The following TRIM24 variants were observed in gnomAD, a reference collection of about 807,000 sequenced individuals.
TRIM24 encodes tripartite motif containing 24, also known as transcription intermediary factor 1-alpha.
In TRIM24, 29 loss-of-function variants were observed where a neutral mutation model predicts 123.9. That is an observed-to-expected ratio of 0.23 (90% CI 0.17 to 0.32). TRIM24 has a LOEUF of 0.32. Ranked by LOEUF, TRIM24 falls within the 10% of genes least tolerant of loss-of-function variation. The pLI is 1.00. For missense variants in TRIM24, 932 were observed against 1,295.3 expected, an observed-to-expected ratio of 0.72 and a Z score of 4.31; for synonymous variants, 456 against 461.1, an observed-to-expected ratio of 0.99 and a Z score of 0.14.
In TRIM24 at chr7:138,515,193, G is replaced by A. The variant is rs1299858304; in HGVS notation, c.484-19G>A. 3.1e-6 allele frequency: 5 copies of A among 1,593,824 alleles called. No homozygotes were observed. The highest frequency in any genetic ancestry group is 3.4e-6 in the Non-Finnish European group (4 of 1,166,092). ...TTTTCATTTTCTCAAAAATTTACGT[G>A]CCATGGTTCTTTTGTCAGGTATGTA... On this transcript the variant is annotated intron_variant, in intron 2 of 18. Transcript: ENST00000343526.
At chr7:138,580,019 GT>G (rs1422976846) in intron 15 of TRIM24, among the ~76,000 whole-genome samples, 1 of 152,108 alleles carries the variant, frequency 6.6e-6, no homozygotes, top group Non-Finnish European at 1.5e-5. Context: ...AGCTACCACA[GT>G]TTATTATGTC....
chr7:138,536,178 G>A lies in TRIM24; in HGVS notation c.997-2479G>A, dbSNP rs138062697. Among the ~76,000 whole-genome samples, 427 of 152,140 alleles carry A rather than the reference G, an allele frequency of 2.8e-3. 1 individual carries two copies. Among genetic ancestry groups the A allele is most frequent in the Non-Finnish European group, 3.7e-3 (251 of 68,000 alleles). On this transcript the variant is annotated intron_variant, in intron 6 of 18. Coordinates refer to ENST00000343526, the MANE Select transcript of TRIM24 (RefSeq NM_015905.3). Reference sequence around the variant, plus strand: ...GGGTTCAAACTTCCTCCTTTAGCTCGGAGGAGTTTCATCGTCTAAAGCCTT... The same window carrying A: ...GGGTTCAAACTTCCTCCTTTAGCTCAGAGGAGTTTCATCGTCTAAAGCCTT...
intron 9 of TRIM24, among the ~76,000 whole-genome samples, chr7:138,564,066 G>A (rs1453970388): frequency 1.3e-5 from 2 of 152,228 alleles, no homozygotes; most frequent in African/African-American, 4.8e-5. Flanking sequence ...GTAGGATTGT[G>A]TGTCTGGAAG....
intron 1 of TRIM24, among the ~76,000 whole-genome samples, chr7:138,469,065 C>G (rs142873552): frequency 1.2e-4 from 19 of 152,330 alleles, no homozygotes; most frequent in African/African-American, 4.6e-4. Context: ...CCTAAGGTAT[C>G]TGTCCTGGTA....
In TRIM24 at chr7:138,549,818, G is replaced by A. The variant is rs571444883; in HGVS notation, c.1144-1245G>A. Among the ~76,000 whole-genome samples the A allele has an allele frequency of 2.6e-5, 4 of 152,230 alleles. No homozygotes were observed. In the South Asian group the frequency reaches 8.3e-4, roughly 32 times the overall value. On this transcript the variant is annotated intron_variant, in intron 7 of 18. Coordinates refer to ENST00000343526, the MANE Select transcript of TRIM24 (RefSeq NM_015905.3). ...AAATTGGTGTTAACAGAAGAGGGAT[G>A]AAAATTACTGGGCAGGCAAGACGGG...
chr7:138,462,754 T>G (rs1321036364), intron 1 of TRIM24, among the ~76,000 whole-genome samples: 1 of 152,210 alleles, frequency 6.6e-6, no homozygotes, highest in African/African-American at 2.4e-5. Flanking sequence ...GTAAGGTTAT[T>G]TGTTAGCTTG....
At chr7:138,551,318 T>G in intron 8 of TRIM24, 138 bp downstream of exon 8, 1 of 758,134 alleles carries the variant, frequency 1.3e-6, no homozygotes, top group East Asian at 2.7e-5. Flanking sequence ...TTGGGATCTC[T>G]CAAGGATCAC....
intron 7 of TRIM24, among the ~76,000 whole-genome samples, chr7:138,539,653 G>A (rs184842346): frequency 6.0e-4 from 91 of 152,096 alleles, no homozygotes; most frequent in African/African-American, 2.0e-3. Flanking sequence ...GACTATCGCA[G>A]TAAAGCAAAT....
chr7:138,495,016 G>A (rs903206550), intron 1 of TRIM24, among the ~76,000 whole-genome samples: 11 of 152,156 alleles, frequency 7.2e-5, no homozygotes, highest in African/African-American at 2.7e-4. Context: ...TCACCAGGAT[G>A]TATTGTTAAG....
At chr7:138,546,027 A>G (rs190409126) in intron 7 of TRIM24, among the ~76,000 whole-genome samples, 532 of 152,332 alleles carry the variant, frequency 3.5e-3, no homozygotes, top group African/African-American at 0.012. Context: ...TATCATAGAG[A>G]TAATTTGGGA....
In TRIM24 at chr7:138,586,168, G is replaced by C; in HGVS notation, c.*1217G>C. 1 of 313,540 alleles carries C rather than the reference G, an allele frequency of 3.2e-6. No individual in the cohort carries two copies. Among genetic ancestry groups the C allele is most frequent in the Admixed American group, 4.2e-5 (1 of 23,956 alleles). 19.4% of individuals were successfully genotyped at this position (313,540 alleles called of 1,614,324 possible). ...ATTCTTAATGTGCCAGACCTACCCG[G>C]TTCAGCTGATATAGATAGATAGATA... On this transcript the variant is annotated 3_prime_UTR_variant, in exon 19 of 19. Coordinates refer to ENST00000343526, the MANE Select transcript of TRIM24 (RefSeq NM_015905.3).
chr7:138,573,290 C>T (rs541278929), intron 11 of TRIM24, among the ~76,000 whole-genome samples: 10 of 152,196 alleles, frequency 6.6e-5, no homozygotes, highest in East Asian at 3.9e-4. Context: ...TTTGAAATAG[C>T]GTCCTCAATA....
chr7:138,467,662 G>C (rs911212408), intron 1 of TRIM24, among the ~76,000 whole-genome samples: 1 of 152,108 alleles, frequency 6.6e-6, no homozygotes, highest in Non-Finnish European at 1.5e-5. Context: ...TAACAATATT[G>C]GTTCTTCCAA....
chr7:138,583,848 A>T lies in TRIM24; in HGVS notation c.2794-2A>T, dbSNP rs1214933211. 1.3e-6 allele frequency: 2 copies of T among 1,542,192 alleles called. No homozygotes were observed. Among genetic ancestry groups the T allele is most frequent in the African/African-American group, 1.4e-5 (1 of 71,492 alleles). On this transcript the variant is annotated splice_acceptor_variant, in intron 17 of 18. Coordinates refer to ENST00000343526, the MANE Select transcript of TRIM24 (RefSeq NM_015905.3). LOFTEE classifies it high-confidence loss of function. ...TATTATAACATCTCATTTTTTTAAT[A>T]GGTGCCTGATTATTACAAAATAATT...
intron 1 of TRIM24, among the ~76,000 whole-genome samples, chr7:138,480,595 G>C (rs1161757976): frequency 2.0e-5 from 3 of 152,044 alleles, no homozygotes; most frequent in Non-Finnish European, 4.4e-5. Context: ...GTTCGTATAT[G>C]TGAGTCCTGA....
intron 1 of TRIM24, among the ~76,000 whole-genome samples, chr7:138,501,166 C>T (rs1796030329): frequency 6.6e-6 from 1 of 152,120 alleles, no homozygotes; most frequent in South Asian, 2.1e-4. Flanking sequence ...ATGCATTGCA[C>T]CACAGTATTA....
chr7:138,472,774 A>G (rs1795299886), intron 1 of TRIM24, among the ~76,000 whole-genome samples: 1 of 152,218 alleles, frequency 6.6e-6, no homozygotes, highest in South Asian at 2.1e-4. Flanking sequence ...ATTGCCACAG[A>G]ATGTTGACCA....
At chr7:138,509,523 G>A (rs1796240725) in intron 2 of TRIM24, among the ~76,000 whole-genome samples, 1 of 150,128 alleles carries the variant, frequency 6.7e-6, no homozygotes, top group South Asian at 2.1e-4. Flanking sequence ...CCAATATGGT[G>A]AAAGCCCGTC....
Position 138,538,688 on chromosome 7 carries a change from T to G in TRIM24, c.1028T>G (p.Met343Arg), listed in dbSNP as rs760765075. ...GCAAAGGACCATCGCATGAAACTTA[T>G]GCAACAACAACAGGAAGTGGCTGGA... is the stretch of plus-strand genomic sequence containing the variant. ...SLAKDHRMKL[M>R]QQQQEVAGLS... The change falls in exon 7 of 19, where the codon ATG (methionine) becomes AGG (arginine). Residue 343 changes from methionine (M) to arginine (R), a missense_variant. This residue lies in a region of TRIM24 where 527 missense variants were observed against 691.3 expected (regional missense o/e 0.76). Coordinates refer to ENST00000343526, the MANE Select transcript of TRIM24 (RefSeq NM_015905.3). The G allele has an allele frequency of 2.5e-6, 4 of 1,614,182 alleles. No individual in the cohort carries two copies. Among genetic ancestry groups the G allele is most frequent in the Non-Finnish European group, 3.4e-6 (4 of 1,180,004 alleles).
Sources: allele counts gnomAD v4.1 joint callset (sites outside exome capture counted in the v4.1 genomes callset), GRCh38; gene constraint gnomAD v4.1.1; regional missense constraint gnomAD v4.1.1; transcripts MANE v1.5; gene names NCBI Gene and HGNC (gene_info 2026-07-23, HGNC 2026-07-21).